HOMER1: variants seen among roughly 807,000 people sequenced by gnomAD.
HOMER1 encodes homer scaffold protein 1, also known as homer protein homolog 1.
A neutral mutation model predicts 48.9 loss-of-function variants in HOMER1; 3 were observed. The observed-to-expected ratio is 0.06, with a 90% CI of 0.03 to 0.16. The LOEUF is 0.16. Ranked by LOEUF, HOMER1 falls within the 10% of genes least tolerant of loss-of-function variation. The probability of loss-of-function intolerance (pLI) is 1.00; values close to 1 mark genes in which losing one functional copy is unlikely to be tolerated. For synonymous variants in HOMER1, 134 were observed against 146.4 expected, an observed-to-expected ratio of 0.92 and a Z score of 0.61; for missense variants, 247 against 411.4, an observed-to-expected ratio of 0.60 and a Z score of 3.46.
At chr5:79,391,813 A>C (rs532331961) in intron 8 of HOMER1, among the ~76,000 whole-genome samples, 16 of 152,230 alleles carry the variant, frequency 1.1e-4, no homozygotes, top group African/African-American at 3.6e-4. Context: ...GGTAATCAAA[A>C]AAGACAATGA....
Position 79,513,927 on chromosome 5 carries a change from C to G in HOMER1, c.-1153G>C, listed in dbSNP as rs1334109282. The G allele has an allele frequency of 1.3e-5, 2 of 155,774 alleles. No individual in the cohort carries two copies. Among genetic ancestry groups the G allele is most frequent in the Admixed American group, 6.5e-5 (1 of 15,318 alleles). The allele number at this position is 155,774 out of a possible 1,614,324, so 9.6% of individuals were successfully genotyped here. On this transcript the variant is annotated 5_prime_UTR_variant, in exon 1 of 9. Transcript: ENST00000334082. ...TCTCACGCTCCGCGCCGCCGCCACG[C>G]GCCGCCTCACATTCCCCGGGCCCCG...
chr5:79,501,091 C>T (rs1255899739), intron 1 of HOMER1, among the ~76,000 whole-genome samples: 1 of 151,926 alleles, frequency 6.6e-6, no homozygotes, highest in Non-Finnish European at 1.5e-5. Flanking sequence ...CCACCTTGGC[C>T]TCCCCAGTAG....
At position 79,374,657 on chromosome 5, in the gene HOMER1, T is replaced by C. The variant is rs1224526831; in HGVS notation, c.*1352A>G. 2.0e-5 allele frequency: 3 copies of C among 152,044 alleles called. No individual in the cohort carries two copies. Among genetic ancestry groups the C allele is most frequent in the Admixed American group, 6.6e-5 (1 of 15,266 alleles). 9.4% of individuals were successfully genotyped at this position (152,044 alleles called of 1,614,324 possible). ...ACAGGCATTGTACAGCAAGAATATA[T>C]GTACTCTGATGCAATTCCTACTTTA... On this transcript the variant is annotated 3_prime_UTR_variant, in exon 9 of 9. Transcript: ENST00000334082.
At chr5:79,497,129 A>G (rs1752447500) in intron 1 of HOMER1, among the ~76,000 whole-genome samples, 1 of 151,988 alleles carries the variant, frequency 6.6e-6, no homozygotes, top group Non-Finnish European at 1.5e-5. Flanking sequence ...ACACTGGACA[A>G]ACTTAAGGAT....
At chr5:79,512,146 G>C (rs971561173) in intron 1 of HOMER1, among the ~76,000 whole-genome samples, 1 of 152,166 alleles carries the variant, frequency 6.6e-6, no homozygotes, top group Admixed American at 6.5e-5. Flanking sequence ...AAAACAAAAG[G>C]AGTGAACAAG....
chr5:79,511,588 G>A (rs186011643), intron 1 of HOMER1, among the ~76,000 whole-genome samples: 40 of 152,242 alleles, frequency 2.6e-4, no homozygotes, highest in African/African-American at 8.9e-4. Flanking sequence ...ACTCTTAGCG[G>A]TACCCCCAAA....
chr5:79,436,724 G>A (rs1208286420), intron 5 of HOMER1, among the ~76,000 whole-genome samples: 1 of 152,098 alleles, frequency 6.6e-6, no homozygotes, highest in Non-Finnish European at 1.5e-5. Context: ...TATCATCTCT[G>A]AGGTTTCTTC....
rs10666507 is a variant in HOMER1 at position 79,465,584 on chromosome 5, C to CTTTTTTTTTTTTTTTTTTTT, written c.6-8586_6-8567dup. 7.4e-4 allele frequency among the ~76,000 whole-genome samples: 58 copies of CTTTTTTTTTTTTTTTTTTTT among 77,906 alleles called. 10 individuals are homozygous for CTTTTTTTTTTTTTTTTTTTT. The highest frequency in any genetic ancestry group is 9.3e-3 in the Middle Eastern group (1 of 108). 51.1% of individuals were successfully genotyped at this position (77,906 alleles called of 152,430 possible). A position where few individuals can be genotyped will look rare whatever the true frequency, so the allele number is the denominator to read the frequency against. On this transcript the variant is annotated intron_variant, in intron 1 of 8. Coordinates refer to ENST00000334082, the MANE Select transcript of HOMER1 (RefSeq NM_004272.5). ...AGTAACAGTACTGTTTACATTTCTT[C>CTTTTTTTTTTTTTTTTTTTT]TTTTTTTTTTTTTTTTTTTTTTTTT...
intron 1 of HOMER1, among the ~76,000 whole-genome samples, chr5:79,468,721 A>G (rs925723885): frequency 1.3e-5 from 2 of 152,238 alleles, no homozygotes; most frequent in Non-Finnish European, 2.9e-5. Flanking sequence ...GAGATACACT[A>G]GAAGCAGAAT....
chr5:79,473,082 T>G (rs931728560), intron 1 of HOMER1, among the ~76,000 whole-genome samples: 10 of 152,202 alleles, frequency 6.6e-5, no homozygotes, highest in African/African-American at 2.4e-4. Context: ...AAGCCAATCA[T>G]CTAAAGCTAG....
At chr5:79,391,270 T>C (rs533583134) in intron 8 of HOMER1, among the ~76,000 whole-genome samples, 61 of 151,812 alleles carry the variant, frequency 4.0e-4, no homozygotes, top group African/African-American at 1.4e-3. Context: ...CCCATGTAGC[T>C]GGGACCACAG....
At chr5:79,386,352 T>C (rs895504258) in intron 8 of HOMER1, among the ~76,000 whole-genome samples, 1 of 152,212 alleles carries the variant, frequency 6.6e-6, no homozygotes, top group Non-Finnish European at 1.5e-5. Context: ...TTAAGTGAAC[T>C]AAGCCAGGCA....
At chr5:79,493,445 T>C (rs534671689) in intron 1 of HOMER1, among the ~76,000 whole-genome samples, 4 of 152,256 alleles carry the variant, frequency 2.6e-5, no homozygotes, top group South Asian at 2.1e-4. Flanking sequence ...GAATGTAAGC[T>C]CCATGAAGGC....
chr5:79,475,837 A>G (rs1751761050), intron 1 of HOMER1, among the ~76,000 whole-genome samples: 2 of 152,190 alleles, frequency 1.3e-5, no homozygotes, highest in South Asian at 4.1e-4. Flanking sequence ...TGTCTTCAAA[A>G]TACAGATAAA....
intron 2 of HOMER1, among the ~76,000 whole-genome samples, chr5:79,455,700 C>T (rs1751156769): frequency 6.6e-6 from 1 of 152,184 alleles, no homozygotes; most frequent in Non-Finnish European, 1.5e-5. Context: ...CACTTAACCC[C>T]TTCTTCATTT....
At chr5:79,453,233 T>C (rs151043089) in intron 2 of HOMER1, among the ~76,000 whole-genome samples, 191 of 152,282 alleles carry the variant, frequency 1.3e-3, no homozygotes, top group African/African-American at 4.4e-3. Flanking sequence ...TTGCTGGTCC[T>C]GAGGGGGCAC....
At chr5:79,391,107 T>C (rs1749236445) in intron 8 of HOMER1, among the ~76,000 whole-genome samples, 1 of 150,194 alleles carries the variant, frequency 6.7e-6, no homozygotes. Context: ...AAGTGGCACT[T>C]ACTAGTTAAT....
intron 1 of HOMER1, among the ~76,000 whole-genome samples, chr5:79,465,501 A>C (rs919723185): frequency 6.6e-6 from 1 of 151,960 alleles, no homozygotes; most frequent in Non-Finnish European, 1.5e-5. Context: ...AAAATATCAA[A>C]TCTAAAATTT....
intron 1 of HOMER1, among the ~76,000 whole-genome samples, chr5:79,479,254 T>C (rs1388274409): frequency 1.3e-5 from 2 of 152,176 alleles, no homozygotes; most frequent in Admixed American, 6.5e-5. Context: ...CAAATGAATG[T>C]AGAAGGCTGA....
Sources: allele counts gnomAD v4.1 joint callset (sites outside exome capture counted in the v4.1 genomes callset), GRCh38; gene constraint gnomAD v4.1.1; transcripts MANE v1.5; gene names NCBI Gene and HGNC (gene_info 2026-07-23, HGNC 2026-07-21).